Variants in CSMD2 observed in about 807,000 individuals in gnomAD.
CSMD2 encodes the protein CUB and sushi domain-containing protein 2.
In CSMD2, 130 loss-of-function variants were observed where a neutral mutation model predicts 398.5. The observed-to-expected ratio is 0.33, with a 90% CI of 0.28 to 0.38. The LOEUF (loss-of-function observed/expected upper bound fraction) is 0.38. CSMD2 is among the 10% of genes least tolerant of loss of function. CSMD2 has a pLI of 1.00. For missense variants in CSMD2, 3,829 were observed against 4,764.9 expected (o/e 0.80, Z 5.78); for synonymous variants, 1,828 against 1,908.5 (o/e 0.96, Z 1.10).
chr1:33,656,858 T>C (rs531583315), intron 27 of CSMD2, among the ~76,000 whole-genome samples: 2 of 152,298 alleles, frequency 1.3e-5, no homozygotes, highest in East Asian at 3.9e-4. Context: ...TCTAAGTAAA[T>C]GTCCAGTATG....
chr1:33,783,775 G>A (rs1045660148), intron 12 of CSMD2, among the ~76,000 whole-genome samples: 2 of 152,196 alleles, frequency 1.3e-5, no homozygotes, highest in Admixed American at 6.5e-5. Flanking sequence ...CCAAAAAGAC[G>A]TGTTGAAGTT....
chr1:33,967,280 G>A (rs1016308700), intron 3 of CSMD2, among the ~76,000 whole-genome samples: 2 of 151,588 alleles, frequency 1.3e-5, no homozygotes, highest in Non-Finnish European at 2.9e-5. Context: ...AGCGGGGGGT[G>A]GGGGGTAGTC....
intron 7 of CSMD2, among the ~76,000 whole-genome samples, chr1:33,823,595 G>A (rs1016780255): frequency 2.0e-5 from 3 of 152,042 alleles, no homozygotes; most frequent in Non-Finnish European, 1.5e-5. Flanking sequence ...AGTCACAGGT[G>A]GGTGGGTGGT....
chr1:34,005,527 C>G (rs1247240759), intron 3 of CSMD2, among the ~76,000 whole-genome samples: 1 of 152,194 alleles, frequency 6.6e-6, no homozygotes, highest in Non-Finnish European at 1.5e-5. Flanking sequence ...AGGGCAAGGA[C>G]ATCATTAGAA....
At chr1:34,059,554 T>C (rs910915845) in intron 2 of CSMD2, among the ~76,000 whole-genome samples, 1 of 152,156 alleles carries the variant, frequency 6.6e-6, no homozygotes, top group Non-Finnish European at 1.5e-5. Context: ...GAGGCTAAGT[T>C]TGGGAGAGAT....
At chr1:33,588,185 ACTT>A (rs1458645851) in intron 44 of CSMD2, among the ~76,000 whole-genome samples, 1 of 152,146 alleles carries the variant, frequency 6.6e-6, no homozygotes, top group Admixed American at 6.5e-5. Context: ...ATCCTTGCAC[ACTT>A]ATTATTATAT....
Position 33,559,279 on chromosome 1 carries a change from G to C in CSMD2, c.8554+21C>G. 6.5e-7 allele frequency: 1 copy of C among 1,532,696 alleles called. No individual in the cohort carries two copies. 94.9% of individuals were successfully genotyped at this position (1,532,696 alleles called of 1,614,324 possible). ...TAGCAGAGATGGTGGGGACTGGATT[G>C]GGAGAGAAAGGGTGACTCACTTCTG... On this transcript the variant is annotated intron_variant, in intron 54 of 70. Coordinates refer to ENST00000373381, the MANE Select transcript of CSMD2 (RefSeq NM_001281956.2). This position sits in a 1 kb window ranked among gnomAD's most constrained non-coding sequence, Gnocchi z 4.0.
intron 44 of CSMD2, chr1:33,598,665 G>GTTTTTTTTTTTT (rs5773419): frequency 3.5e-4 from 26 of 73,918 alleles, no homozygotes; most frequent in African/African-American, 1.4e-3. Context: ...AGTTTCCTGT[G>GTTTTTTTTTTTT]TTTTTTTTTT....
At chr1:33,831,319 G>T (rs942779099) in intron 6 of CSMD2, among the ~76,000 whole-genome samples, 4 of 152,200 alleles carry the variant, frequency 2.6e-5, no homozygotes, top group Non-Finnish European at 2.9e-5. Flanking sequence ...TTTCTCGGCA[G>T]AAACTCTACA....
At chr1:33,520,079 A>G in intron 68 of CSMD2, 129 bp from the exon 69 acceptor site, 1 of 1,103,192 alleles carries the variant, frequency 9.1e-7, no homozygotes. Flanking sequence ...CCTGCTCAGC[A>G]CGGGAGGCAG....
chr1:34,141,965 AAG>A (rs908776009), intron 1 of CSMD2, among the ~76,000 whole-genome samples: 2 of 152,004 alleles, frequency 1.3e-5, no homozygotes, highest in African/African-American at 2.4e-5. Context: ...GAAAGGGAGA[AAG>A]AGGTATCAAG....
intron 3 of CSMD2, among the ~76,000 whole-genome samples, chr1:33,977,063 G>C (rs1645993313): frequency 6.6e-6 from 1 of 152,062 alleles, no homozygotes; most frequent in East Asian, 2.0e-4. Context: ...AGGTAAGAAA[G>C]TTCAAGTTAG....
At chr1:33,850,370 G>A (rs1369849328) in intron 5 of CSMD2, among the ~76,000 whole-genome samples, 3 of 152,152 alleles carry the variant, frequency 2.0e-5, no homozygotes, top group Non-Finnish European at 4.4e-5. Flanking sequence ...GCACAGAGAG[G>A]TAAAGAAACT....
At chr1:33,866,487 G>A (rs1051617977) in intron 5 of CSMD2, among the ~76,000 whole-genome samples, 5 of 152,164 alleles carry the variant, frequency 3.3e-5, no homozygotes, top group African/African-American at 4.8e-5. Context: ...CAAAATTCCC[G>A]TTCCGCATTC....
At chr1:33,532,934 G>T (rs779216459) in intron 64 of CSMD2, 116 bp downstream of exon 64, 10 of 994,494 alleles carry the variant, frequency 1.0e-5, no homozygotes, top group Non-Finnish European at 1.3e-5. Context: ...ATCAGAAGCG[G>T]GATCCAGCTC....
chr1:33,621,199 C>T (rs1641747989), intron 37 of CSMD2, among the ~76,000 whole-genome samples: 1 of 152,204 alleles, frequency 6.6e-6, no homozygotes, highest in Non-Finnish European at 1.5e-5. Flanking sequence ...CCATGTCCAT[C>T]TCTCCTTCTA....
At chr1:33,527,450 A>G (rs954581080) in intron 64 of CSMD2, among the ~76,000 whole-genome samples, 192 bp from the exon 65 acceptor site, 1 of 152,214 alleles carries the variant, frequency 6.6e-6, no homozygotes. Context: ...CAGAATAAAA[A>G]ATACAAAGAA....
At chr1:33,557,652 ACACACACAT>A in intron 55 of CSMD2, 73 bp downstream of exon 55, 5 of 1,190,252 alleles carry the variant, frequency 4.2e-6, no homozygotes, top group African/African-American at 1.5e-5. Flanking sequence ...ACACACACAC[ACACACACAT>A]GCACAGAGGG....
intron 44 of CSMD2, among the ~76,000 whole-genome samples, chr1:33,594,787 G>C (rs1317468812): frequency 6.6e-6 from 1 of 152,078 alleles, no homozygotes; most frequent in African/African-American, 2.4e-5. Flanking sequence ...TTCTTGTGAT[G>C]ATGAAAATTA....
Sources: allele counts gnomAD v4.1 joint callset (sites outside exome capture counted in the v4.1 genomes callset), GRCh38; gene constraint gnomAD v4.1.1; non-coding constraint Gnocchi (gnomAD v3.1); transcripts MANE v1.5; gene names NCBI Gene and HGNC (gene_info 2026-07-23, HGNC 2026-07-21).